The following RNF10 variants were observed in gnomAD, a reference collection of about 807,000 sequenced individuals.
The protein encoded by RNF10 is ring finger protein 10.
In RNF10, 38 loss-of-function variants were observed where a neutral mutation model predicts 91.4. The ratio of observed to expected loss-of-function variants is 0.42; its 90% confidence interval spans 0.32 to 0.54. RNF10 has a LOEUF of 0.54. Ranked by LOEUF, RNF10 falls within the 20% of genes least tolerant of loss-of-function variation. The pLI is 0.16. For missense variants in RNF10, 945 were observed against 1,012.0 expected (o/e 0.93, Z 0.90); for synonymous variants, 364 against 366.3 (o/e 0.99, Z 0.07).
Position 120,577,184 on chromosome 12 carries a change from G to T in RNF10, c.*518G>T, listed in dbSNP as rs1877505031. Reference sequence around the variant, plus strand: ...TTTAGGACACCCAGTTTGAATTGCAGTTTTTTTTTTTCTGACACATGGCCA... The same window carrying T: ...TTTAGGACACCCAGTTTGAATTGCATTTTTTTTTTTTCTGACACATGGCCA... On this transcript the variant is annotated 3_prime_UTR_variant, in exon 17 of 17. Transcript: ENST00000325954. The T allele has an allele frequency of 9.6e-6, 4 of 415,306 alleles. No homozygotes were observed. The highest frequency in any genetic ancestry group is 1.8e-5 in the South Asian group (1 of 56,956). The allele number at this position is 415,306 out of a possible 1,614,324, so 25.7% of individuals were successfully genotyped here. A position where few individuals can be genotyped will look rare whatever the true frequency, so the allele number is the denominator to read the frequency against.
intron 4 of RNF10, among the ~76,000 whole-genome samples, 197 bp from the exon 5 acceptor site, chr12:120,557,085 C>CAAAAA (rs36018229): frequency 1.8e-5 from 2 of 111,368 alleles, no homozygotes; most frequent in African/African-American, 3.4e-5. Context: ...TGGACCGTCT[C>CAAAAA]AAAAAAAAAA....
intron 4 of RNF10, among the ~76,000 whole-genome samples, chr12:120,555,837 G>A (rs1012625277): frequency 4.6e-5 from 7 of 151,096 alleles, no homozygotes; most frequent in African/African-American, 1.7e-4. Flanking sequence ...CGCCCCAGCT[G>A]GAGTGCAGTG....
chr12:120,556,310 G>A (rs1460897100), intron 4 of RNF10, among the ~76,000 whole-genome samples: 3 of 151,428 alleles, frequency 2.0e-5, no homozygotes, highest in African/African-American at 4.8e-5. Context: ...TGAGGCGGGC[G>A]GATCACGGGG....
chr12:120,565,585 C>T, intron 12 of RNF10, 56 bp downstream of exon 12: 2 of 1,480,346 alleles, frequency 1.4e-6, no homozygotes, highest in Non-Finnish European at 9.4e-7. Context: ...TTGTATAGAA[C>T]TCTGTGTCTG....
rs1444504611 is a variant in RNF10 at position 120,557,110 on chromosome 12, T to C, written c.646-172T>C. 2.8e-5 allele frequency among the ~76,000 whole-genome samples: 4 copies of C among 141,182 alleles called. No homozygotes were observed. The Admixed American group carries it at 2.9e-4, about 10-fold the overall frequency. 92.6% of individuals were successfully genotyped at this position (141,182 alleles called of 152,430 possible). On this transcript the variant is annotated intron_variant, in intron 4 of 16. Transcript: ENST00000325954. ...CAAAAAAAAAAAAAAAAGAAAAAAA[T>C]GATCATACATGTACCTACGTTGTAA...
At chr12:120,552,315 A>C (rs1397834495) in intron 2 of RNF10, among the ~76,000 whole-genome samples, 184 bp from the exon 3 acceptor site, 6 of 151,474 alleles carry the variant, frequency 4.0e-5, no homozygotes. Context: ...CAGGAGAGTC[A>C]CTTGAACCTG....
intron 14 of RNF10, chr12:120,574,914 C>T (rs147876361): frequency 0.015 from 2,669 of 181,728 alleles, 76 homozygotes; most frequent in South Asian, 0.061. Context: ...GCAACAAGAG[C>T]GAAACTCCAT....
intron 1 of RNF10, among the ~76,000 whole-genome samples, chr12:120,541,443 T>TTC (rs1871548875): frequency 6.6e-6 from 1 of 151,468 alleles, no homozygotes. Context: ...TTTCCTTTTT[T>TTC]TTTTTTTTTG....
chr12:120,557,995 C>T (rs1285853028), intron 6 of RNF10, among the ~76,000 whole-genome samples: 2 of 151,998 alleles, frequency 1.3e-5, no homozygotes, highest in African/African-American at 2.4e-5. Flanking sequence ...CTCAGTAGTC[C>T]GATAGAAGAG....
intron 12 of RNF10, among the ~76,000 whole-genome samples, chr12:120,566,519 T>C (rs765218080): frequency 4.6e-5 from 7 of 152,144 alleles, no homozygotes; most frequent in Non-Finnish European, 7.4e-5. Flanking sequence ...CCCAACACTT[T>C]GGGAGGCCAA....
At chr12:120,559,682 C>T (rs2095223251) in intron 6 of RNF10, among the ~76,000 whole-genome samples, 1 of 151,002 alleles carries the variant, frequency 6.6e-6, no homozygotes, top group Admixed American at 6.6e-5. Context: ...CGTACTCCGC[C>T]TGGTGTTATT....
chr12:120,568,118 A>G (rs944616034), intron 13 of RNF10, among the ~76,000 whole-genome samples: 1 of 151,458 alleles, frequency 6.6e-6, no homozygotes, highest in Admixed American at 6.6e-5. Flanking sequence ...GGTAGTGTGT[A>G]CCTGTAGTCC....
rs571073756 is a variant in RNF10, at chr12:120,550,635, C to T, written c.355-1864C>T. 8.6e-5 allele frequency among the ~76,000 whole-genome samples: 13 copies of T among 151,014 alleles called. No homozygotes were observed. In the East Asian group the frequency reaches 2.0e-3, roughly 23 times the overall value. On this transcript the variant is annotated intron_variant, in intron 2 of 16. Transcript: ENST00000325954. ...TTTTTTGGACGAAGTCTCGCTCTGT[C>T]GTCCAGGCTAGAGTGCAGTGGCGTG...
intron 2 of RNF10, among the ~76,000 whole-genome samples, chr12:120,552,064 A>G (rs12827839): frequency 7.0e-6 from 1 of 142,824 alleles, no homozygotes; most frequent in Non-Finnish European, 1.5e-5. Context: ...AGCCTGGGTG[A>G]CAGAGTGAGA....
At chr12:120,556,079 A>G (rs1331494765) in intron 4 of RNF10, among the ~76,000 whole-genome samples, 1 of 151,400 alleles carries the variant, frequency 6.6e-6, no homozygotes, top group African/African-American at 2.4e-5. Flanking sequence ...GTGAGCCACC[A>G]CGCCCAGCTT....
intron 1 of RNF10, among the ~76,000 whole-genome samples, chr12:120,539,641 T>TA (rs1431220993): frequency 2.6e-5 from 4 of 152,190 alleles, no homozygotes; most frequent in Non-Finnish European, 5.9e-5. Context: ...GAGGCTGAGA[T>TA]ATACCTACTG....
At chr12:120,566,646 C>T (rs750049681) in intron 12 of RNF10, among the ~76,000 whole-genome samples, 179 bp from the exon 13 acceptor site, 4 of 151,630 alleles carry the variant, frequency 2.6e-5, no homozygotes, top group Non-Finnish European at 4.4e-5. Context: ...CCTGTGGTCC[C>T]GGCTACTCGG....
chr12:120,550,078 C>T (rs1872829675), intron 2 of RNF10, among the ~76,000 whole-genome samples: 1 of 152,128 alleles, frequency 6.6e-6, no homozygotes, highest in African/African-American at 2.4e-5. Flanking sequence ...TTCTAGCTGC[C>T]TGCGCTAGAG....
rs181074635 is a variant in RNF10, at chr12:120,564,303, T to C, written c.1665+360T>C. On this transcript the variant is annotated intron_variant, in intron 10 of 16. Transcript: ENST00000325954. ...TTAAAATTAGACTCTTTGAGTACTA[T>C]AAATTTTTCATCAAACATATGCAGA... Among the ~76,000 whole-genome samples the C allele has an allele frequency of 2.1e-3, 313 of 152,300 alleles. 1 individual carries two copies. Among genetic ancestry groups the C allele is most frequent in the African/African-American group, 7.1e-3 (295 of 41,562 alleles).
Sources: gnomAD v4.1 joint callset for allele counts (sites outside exome capture counted in the v4.1 genomes callset) on GRCh38, gnomAD v4.1.1 for gene constraint, MANE v1.5 for transcripts, NCBI Gene and HGNC (gene_info 2026-07-23, HGNC 2026-07-21) for gene names.